Variants in TCF20 observed in about 807,000 individuals in gnomAD.
The protein encoded by TCF20 is SPRE-binding protein.
Under a neutral mutation model 148.6 loss-of-function variants are expected in TCF20, and 3 were observed. The observed-to-expected ratio is 0.02, with a 90% CI of 0.01 to 0.05. The LOEUF (loss-of-function observed/expected upper bound fraction) is 0.05. Among genes scored for constraint, TCF20 ranks in the 10% least tolerant of loss-of-function variants. TCF20 has a pLI of 1.00. For missense variants in TCF20, 2,350 were observed against 2,429.3 expected, an observed-to-expected ratio of 0.97 and a Z score of 0.69; for synonymous variants, 1,049 against 909.5, an observed-to-expected ratio of 1.15 and a Z score of -2.76.
chr22:42,234,302 T>G (rs551678305), intron 1 of TCF20, among the ~76,000 whole-genome samples: 1 of 152,316 alleles, frequency 6.6e-6, no homozygotes, highest in South Asian at 2.1e-4. Context: ...TAGACTTGAT[T>G]TTACTGGACG....
chr22:42,286,529 T>C (rs1270791938), upstream of TCF20, among the ~76,000 whole-genome samples: 1 of 152,150 alleles, frequency 6.6e-6, no homozygotes, highest in Non-Finnish European at 1.5e-5. Context: ...AGATAAGAGA[T>C]ACAAAATGCT....
chr22:42,188,941 G>C (rs761804927), intron 2 of TCF20, among the ~76,000 whole-genome samples: 2 of 152,160 alleles, frequency 1.3e-5, no homozygotes, highest in Non-Finnish European at 2.9e-5. Context: ...CCTAGTTAAG[G>C]AAGTCAGGAA....
Position 42,213,703 on chromosome 22 carries a change from G to A in TCF20, c.1603C>T (p.Arg535Trp), listed in dbSNP as rs1486562055. ...CTGGTGCTCTGGCCACTTAGTTGCCGCACTCTCTCGCCTTGATCCTCTGAA... is the reference window on the plus strand; with the variant it reads ...CTGGTGCTCTGGCCACTTAGTTGCCACACTCTCTCGCCTTGATCCTCTGAA... ...SSSEDQGERV[R>W]QLSGQSTSSD... is the part of the protein sequence containing the mutation. Residue 535 changes from arginine to tryptophan, a missense_variant, in exon 2 of 6, where the codon CGG becomes TGG. By Grantham distance (101) the Arg-to-Trp change is moderately radical. Coordinates refer to ENST00000677622, the MANE Select transcript of TCF20 (RefSeq NM_001378418.1). 3.7e-6 allele frequency: 6 copies of A among 1,613,836 alleles called. No individual in the cohort carries two copies. The highest frequency in any genetic ancestry group is 3.3e-5 in the Admixed American group (2 of 59,990).
rs1405510020 is a variant in TCF20 at position 42,317,914 on chromosome 22, G to T, written c.-37+25565C>A. On this transcript the variant is annotated intron_variant, in intron 1 of 1. Transcript: ENST00000515426. The surrounding 1 kb of genome is among the most constrained non-coding windows in gnomAD (Gnocchi z 4.2). ...GGGCACCCTCCTGGCTGCCTGCCGT[G>T]CATGCCTGTCCATCCCCTGGCAGCC... 6.6e-6 allele frequency among the ~76,000 whole-genome samples: 1 copy of T among 152,196 alleles called. No homozygotes were observed. Among genetic ancestry groups the T allele is most frequent in the Non-Finnish European group, 1.5e-5 (1 of 68,010 alleles).
intron 1 of TCF20, among the ~76,000 whole-genome samples, chr22:42,329,413 C>T (rs1198534638): frequency 6.6e-6 from 1 of 152,236 alleles, no homozygotes; most frequent in African/African-American, 2.4e-5. Context: ...TCACACTCGC[C>T]TCTGCAGGAG....
intron 1 of TCF20, among the ~76,000 whole-genome samples, chr22:42,243,227 C>G (rs1924595485): frequency 7.2e-6 from 1 of 138,856 alleles, no homozygotes; most frequent in African/African-American, 2.6e-5. Flanking sequence ...CTGAATCCAG[C>G]AGCTCAAGGT....
Position 42,256,217 on chromosome 22 carries a change from C to T in TCF20, c.-37+14122G>A, listed in dbSNP as rs185870799. Among the ~76,000 whole-genome samples, 551 of 152,264 alleles carry T rather than the reference C, an allele frequency of 3.6e-3. 7 individuals carry two copies. The highest frequency in any genetic ancestry group is 1.1e-3 in the Non-Finnish European group (73 of 68,016). On this transcript the variant is annotated intron_variant, in intron 1 of 5. Coordinates refer to ENST00000677622, the MANE Select transcript of TCF20 (RefSeq NM_001378418.1). ...ATTACAGCCTTATCAATCATTCATA[C>T]GTTTGATAAATGTTAATTTTCCATA...
At chr22:42,165,390 GC>G (rs1407225285) in intron 5 of TCF20, among the ~76,000 whole-genome samples, 5 of 152,240 alleles carry the variant, frequency 3.3e-5, no homozygotes, top group Non-Finnish European at 7.3e-5. Flanking sequence ...GGACCACAGG[GC>G]CTGTTAGGGC....
At chr22:42,208,226 C>A (rs1238967706) in intron 2 of TCF20, among the ~76,000 whole-genome samples, 1 of 151,738 alleles carries the variant, frequency 6.6e-6, no homozygotes, top group Non-Finnish European at 1.5e-5. Context: ...GCAAGAGAAA[C>A]GATTATAGCC....
rs199629569 is a variant in TCF20, at chr22:42,213,977, T to C, written c.1329A>G (p.Val443=). 162 of 1,614,084 alleles carry C rather than the reference T, an allele frequency of 1.0e-4. No individual in the cohort carries two copies. Among genetic ancestry groups the C allele is most frequent in the South Asian group, 4.0e-4 (36 of 91,088 alleles). Residue 443 remains valine, a synonymous_variant, in exon 2 of 6, where the codon GTA becomes GTG. Coordinates refer to ENST00000677622, the MANE Select transcript of TCF20 (RefSeq NM_001378418.1). ...AGFKGFGLEG[V]PEKRLTDPGL... ...CAGGATCTGTCAGTCGCTTTTCTGG[T>C]ACCCCTTCTAGTCCAAACCCTTTGA...
intron 1 of TCF20, among the ~76,000 whole-genome samples, chr22:42,310,442 CG>C (rs141378820): frequency 8.6e-6 from 1 of 116,832 alleles, no homozygotes; most frequent in Non-Finnish European, 1.8e-5. Context: ...GGGGGTTGTG[CG>C]GGGGGGAGTA....
chr22:42,211,972 C>G lies in TCF20; in HGVS notation c.3334G>C (p.Ala1112Pro). 6.2e-7 allele frequency: 1 copy of G among 1,614,222 alleles called. No homozygotes were observed. Among genetic ancestry groups the G allele is most frequent in the Admixed American group, 1.7e-5 (1 of 60,034 alleles). ...CGTGGCCCCTCCTGCCTGTGCTGTGCTGCAGCAATTACTCCCTGAGCAGAA... is the reference window on the plus strand; with the variant it reads ...CGTGGCCCCTCCTGCCTGTGCTGTGGTGCAGCAATTACTCCCTGAGCAGAA... ...SGSAQGVIAA[A>P]QHRQEGPRKS... is the part of the protein sequence containing the mutation. Residue 1112 changes from alanine (A) to proline (P), a missense_variant, in exon 2 of 6, where the codon GCA (alanine) becomes CCA (proline). Ala to Pro is a conservative substitution (Grantham distance 27, BLOSUM62 -1). This residue lies in a region of TCF20 where 1,641 missense variants were observed against 1,662.6 expected (regional missense o/e 0.99). Coordinates refer to ENST00000677622, the MANE Select transcript of TCF20 (RefSeq NM_001378418.1).
intron 3 of TCF20, among the ~76,000 whole-genome samples, chr22:42,173,292 C>T (rs738257): frequency 4.3e-4 from 65 of 151,400 alleles, no homozygotes; most frequent in African/African-American, 1.5e-3. Flanking sequence ...TAACCCCCCC[C>T]ACCTGGAGCC....
At chr22:42,311,432 G>C (rs1927535297) in intron 1 of TCF20, among the ~76,000 whole-genome samples, 1 of 152,176 alleles carries the variant, frequency 6.6e-6, no homozygotes, top group South Asian at 2.1e-4. Flanking sequence ...GGTGGTGTGG[G>C]GATCAAATCA....
chr22:42,166,843 C>T (rs1455403665), intron 5 of TCF20, among the ~76,000 whole-genome samples: 2 of 152,178 alleles, frequency 1.3e-5, no homozygotes, highest in Non-Finnish European at 2.9e-5. Flanking sequence ...TCGTGGTCCC[C>T]TACAGAACTT....
intron 1 of TCF20, among the ~76,000 whole-genome samples, chr22:42,330,867 C>T (rs1482051414): frequency 1.3e-5 from 2 of 152,230 alleles, no homozygotes; most frequent in Admixed American, 6.5e-5. Context: ...GGATCAGGGG[C>T]TGCCCGTGAA....
upstream of TCF20, among the ~76,000 whole-genome samples, chr22:42,286,959 G>A (rs149881990): frequency 6.6e-6 from 1 of 152,280 alleles, no homozygotes; most frequent in East Asian, 1.9e-4. Context: ...CAGGCCAGGA[G>A]CAAAAGATGC....
At position 42,317,653 on chromosome 22, in the gene TCF20, G is replaced by A. The variant is rs777360142; in HGVS notation, c.-37+25826C>T. Reference sequence around the variant, plus strand: ...TCCTGCATTCCCGCTGGGGGCTGGGGGGGAAAGGGGTGTAGACTCAGCCGC... The same window carrying A: ...TCCTGCATTCCCGCTGGGGGCTGGGAGGGAAAGGGGTGTAGACTCAGCCGC... On this transcript the variant is annotated intron_variant, in intron 1 of 1. Transcript: ENST00000515426. The surrounding 1 kb of genome is among the most constrained non-coding windows in gnomAD (Gnocchi z 4.2). 2.0e-5 allele frequency among the ~76,000 whole-genome samples: 3 copies of A among 152,244 alleles called. No individual in the cohort carries two copies.
At chr22:42,261,731 C>T (rs996460289) in intron 1 of TCF20, among the ~76,000 whole-genome samples, 2 of 152,210 alleles carry the variant, frequency 1.3e-5, no homozygotes, top group African/African-American at 2.4e-5. Flanking sequence ...TGGTGGCTCA[C>T]ACCTGTAATC....
Sources: allele counts gnomAD v4.1 joint callset (sites outside exome capture counted in the v4.1 genomes callset), GRCh38; gene constraint gnomAD v4.1.1; regional missense constraint gnomAD v4.1.1; non-coding constraint Gnocchi (gnomAD v3.1); transcripts MANE v1.5; gene names NCBI Gene and HGNC (gene_info 2026-07-23, HGNC 2026-07-21).